The following COL24A1 variants were observed in gnomAD, a reference collection of about 807,000 sequenced individuals.
COL24A1 encodes collagen type XXIV alpha 1 chain, also known as collagen alpha-1(XXIV) chain.
In COL24A1, 224 loss-of-function variants were observed where a neutral mutation model predicts 253.9. The ratio of observed to expected loss-of-function variants is 0.88; its 90% CI spans 0.79 to 0.99. The LOEUF (loss-of-function observed/expected upper bound fraction) is 0.99. COL24A1 is among the 50% of genes least tolerant of loss of function. The pLI is 0.00. For missense variants in COL24A1, 2,131 were observed against 2,068.5 expected (o/e 1.03, Z -0.59); for synonymous variants, 685 against 673.7 (o/e 1.02, Z -0.26).
chr1:85,845,407 T>C (rs932704393), intron 39 of COL24A1, among the ~76,000 whole-genome samples: 2 of 151,866 alleles, frequency 1.3e-5, no homozygotes, highest in Admixed American at 6.6e-5. Context: ...AGAATGAAAA[T>C]AAATTTCTTT....
chr1:85,956,782 T>C lies in COL24A1; in HGVS notation c.2562+4467A>G, dbSNP rs148958256. 1.2e-3 allele frequency among the ~76,000 whole-genome samples: 184 copies of C among 152,328 alleles called. 2 individuals carry two copies. In the Middle Eastern group the frequency reaches 0.027, roughly 23 times the overall value. ...GCCAAAGACATCCTCAGTTTCCTGT[T>C]ACAGGTAAAAGGCTTGCTTGATTTA... On this transcript the variant is annotated intron_variant, in intron 24 of 59. Coordinates refer to ENST00000370571, the MANE Select transcript of COL24A1 (RefSeq NM_152890.7).
At chr1:86,097,577 T>C (rs867591520) in intron 5 of COL24A1, among the ~76,000 whole-genome samples, 1 of 2,966 alleles carries the variant, frequency 3.4e-4, no homozygotes, top group Non-Finnish European at 1.6e-3. Flanking sequence ...CCCCTCCTCC[T>C]CCCCCCTCCT....
intron 57 of COL24A1, among the ~76,000 whole-genome samples, chr1:85,742,989 T>C (rs1664817740): frequency 6.6e-6 from 1 of 152,014 alleles, no homozygotes; most frequent in Admixed American, 6.6e-5. Context: ...CCAACCATCA[T>C]CTCTCCTGGA....
intron 45 of COL24A1, 108 bp from the exon 46 acceptor site, chr1:85,818,195 CTAGTTG>C: frequency 1.3e-6 from 1 of 785,166 alleles, no homozygotes. Flanking sequence ...CTAGCACGAA[CTAGTTG>C]TATATCATTA....
chr1:85,890,175 T>C (rs1434004447), intron 31 of COL24A1, among the ~76,000 whole-genome samples: 1 of 152,208 alleles, frequency 6.6e-6, no homozygotes, highest in East Asian at 1.9e-4. Context: ...CTTCCAACTT[T>C]TGGCTATTGT....
chr1:86,089,785 A>G (rs1418898424), intron 6 of COL24A1, among the ~76,000 whole-genome samples: 1 of 152,176 alleles, frequency 6.6e-6, no homozygotes, highest in African/African-American at 2.4e-5. Flanking sequence ...TCGCCACTGC[A>G]CTCCAGCCTC....
chr1:85,909,898 T>A, intron 26 of COL24A1, 52 bp downstream of exon 26: 2 of 1,459,070 alleles, frequency 1.4e-6, no homozygotes, highest in Non-Finnish European at 1.9e-6. Flanking sequence ...TGGAACGACT[T>A]GCTTTTATTG....
intron 18 of COL24A1, among the ~76,000 whole-genome samples, chr1:86,020,403 G>C (rs1360201625): frequency 6.6e-6 from 1 of 152,060 alleles, no homozygotes; most frequent in Non-Finnish European, 1.5e-5. Flanking sequence ...TGGTACCATG[G>C]TGGTTAAATA....
At chr1:86,131,712 T>C (rs534847337) in intron 2 of COL24A1, among the ~76,000 whole-genome samples, 15 of 152,302 alleles carry the variant, frequency 9.8e-5, no homozygotes, top group African/African-American at 3.4e-4. Context: ...TATGGCTGCA[T>C]GGTATTCCAT....
intron 2 of COL24A1, among the ~76,000 whole-genome samples, chr1:86,128,012 C>T (rs952914884): frequency 1.3e-5 from 2 of 151,994 alleles, no homozygotes; most frequent in South Asian, 4.1e-4. Context: ...ATATTTGTAT[C>T]TATGATATTG....
intron 37 of COL24A1, among the ~76,000 whole-genome samples, chr1:85,851,578 G>A (rs1677770131): frequency 4.6e-5 from 7 of 152,126 alleles, no homozygotes; most frequent in Admixed American, 4.6e-4. Context: ...ATGTTTAAGA[G>A]TTCCACTTAC....
intron 24 of COL24A1, among the ~76,000 whole-genome samples, chr1:85,960,196 A>G (rs947880280): frequency 1.3e-5 from 2 of 152,226 alleles, no homozygotes; most frequent in Non-Finnish European, 2.9e-5. Context: ...TTAAGCCTAT[A>G]AAACAACCAT....
chr1:85,746,241 T>G (rs1387613818), intron 55 of COL24A1, among the ~76,000 whole-genome samples: 1 of 152,184 alleles, frequency 6.6e-6, no homozygotes, highest in East Asian at 1.9e-4. Flanking sequence ...GAAGACATCT[T>G]TTTACTTGAA....
At chr1:85,885,397 A>AT (rs1177337391) in intron 32 of COL24A1, among the ~76,000 whole-genome samples, 1,365 of 128,898 alleles carry the variant, frequency 0.011, 18 homozygotes, top group African/African-American at 0.032. Flanking sequence ...ATATATATAT[A>AT]TTTTTTTTTT....
intron 59 of COL24A1, 59 bp downstream of exon 59, chr1:85,734,690 T>C (rs1663859321): frequency 1.4e-6 from 2 of 1,431,416 alleles, no homozygotes; most frequent in Admixed American, 1.7e-5. Flanking sequence ...CCTAATTTTA[T>C]GGTTTTATCA....
intron 52 of COL24A1, among the ~76,000 whole-genome samples, chr1:85,776,265 T>C (rs887188545): frequency 6.6e-6 from 1 of 152,156 alleles, no homozygotes; most frequent in Non-Finnish European, 1.5e-5. Flanking sequence ...CTTTCTGTTA[T>C]TGATTTCTAG....
At chr1:85,968,052 C>G (rs553255911) in intron 22 of COL24A1, among the ~76,000 whole-genome samples, 2 of 152,270 alleles carry the variant, frequency 1.3e-5, no homozygotes, top group South Asian at 4.2e-4. Flanking sequence ...AGCCTCCTAG[C>G]CTACATCTTT....
At chr1:85,760,486 G>T (rs529030825) in intron 55 of COL24A1, among the ~76,000 whole-genome samples, 6 of 152,132 alleles carry the variant, frequency 3.9e-5, no homozygotes, top group Admixed American at 3.3e-4. Flanking sequence ...GTGGCACTTT[G>T]CCTGGAAGTT....
chr1:85,981,353 C>T (rs748821744), intron 20 of COL24A1, among the ~76,000 whole-genome samples: 27 of 152,242 alleles, frequency 1.8e-4, no homozygotes, highest in Admixed American at 9.8e-4. Flanking sequence ...TTACAGCTAA[C>T]TAATCTTCAA....
Sources: gnomAD v4.1 joint callset for allele counts (sites outside exome capture counted in the v4.1 genomes callset) on GRCh38, gnomAD v4.1.1 for gene constraint, MANE v1.5 for transcripts, NCBI Gene and HGNC (gene_info 2026-07-23, HGNC 2026-07-21) for gene names.